Variants in DPP10 observed in about 807,000 individuals in gnomAD.
DPP10 encodes the protein inactive dipeptidyl peptidase 10.
A neutral mutation model predicts 120.9 loss-of-function variants in DPP10; 33 were observed. The observed-to-expected ratio is 0.27, with a 90% CI of 0.21 to 0.37. The LOEUF is 0.37. Among genes scored for constraint, DPP10 ranks in the 10% least tolerant of loss-of-function variants. The probability of loss-of-function intolerance (pLI) is 1.00; values close to 1 mark genes in which losing one functional copy is unlikely to be tolerated. For synonymous variants in DPP10, 337 were observed against 326.1 expected, an observed-to-expected ratio of 1.03 and a Z score of -0.36; for missense variants, 816 against 942.8, an observed-to-expected ratio of 0.87 and a Z score of 1.76.
At chr2:114,732,685 T>C (rs1163958774) in intron 1 of DPP10, among the ~76,000 whole-genome samples, 1 of 152,178 alleles carries the variant, frequency 6.6e-6, no homozygotes, top group Non-Finnish European at 1.5e-5. Flanking sequence ...AAAAGGGTAA[T>C]GTTTGAGGGA....
At chr2:115,510,128 G>A in intron 4 of DPP10, among the ~76,000 whole-genome samples, 1 of 152,136 alleles carries the variant, frequency 6.6e-6, no homozygotes, top group Non-Finnish European at 1.5e-5. Context: ...AGTTTCAAAT[G>A]TTTTCTCCCA....
At chr2:114,521,332 A>G (rs1320451178) in intron 1 of DPP10, among the ~76,000 whole-genome samples, 1 of 151,888 alleles carries the variant, frequency 6.6e-6, no homozygotes, top group African/African-American at 2.4e-5. Flanking sequence ...TAAGAAATAA[A>G]TGTAAAAATA....
At chr2:114,515,719 C>T (rs970640506) in intron 1 of DPP10, among the ~76,000 whole-genome samples, 5 of 151,960 alleles carry the variant, frequency 3.3e-5, no homozygotes, top group African/African-American at 2.4e-5. Flanking sequence ...CTTCTTCTTC[C>T]TCTCCCTTTT....
At chr2:115,469,506 A>AC (rs2074545938) in intron 3 of DPP10, among the ~76,000 whole-genome samples, 2 of 152,196 alleles carry the variant, frequency 1.3e-5, no homozygotes, top group African/African-American at 4.8e-5. Context: ...TTTTGACTTT[A>AC]ACTTTATATC....
chr2:115,100,706 C>A (rs1334899075), intron 1 of DPP10, among the ~76,000 whole-genome samples: 3 of 152,102 alleles, frequency 2.0e-5, no homozygotes, highest in African/African-American at 7.2e-5. Flanking sequence ...TGGATGATCA[C>A]TGCCTCTTTT....
intron 1 of DPP10, among the ~76,000 whole-genome samples, chr2:114,881,590 GTCTGTCTGTCTATCTA>G (rs1286159069): frequency 7.7e-6 from 1 of 129,624 alleles, no homozygotes; most frequent in African/African-American, 2.7e-5. Context: ...CTGTCTGTCT[GTCTGTCTGTCTATCTA>G]TCTATCTATC....
chr2:114,538,405 A>G (rs915105278), intron 1 of DPP10, among the ~76,000 whole-genome samples: 3 of 152,212 alleles, frequency 2.0e-5, no homozygotes, highest in African/African-American at 7.2e-5. Flanking sequence ...AGAGAAGGGA[A>G]TTGAGACTCA....
At chr2:115,562,006 C>G (rs2080715996) in intron 5 of DPP10, among the ~76,000 whole-genome samples, 1 of 152,170 alleles carries the variant, frequency 6.6e-6, no homozygotes, top group Non-Finnish European at 1.5e-5. Flanking sequence ...AAAACACAAC[C>G]CTGGTAGCCT....
rs143016884 is a variant in DPP10 at position 114,613,627 on chromosome 2, G to T, written c.60+170789G>T. Among the ~76,000 whole-genome samples, 821 of 152,142 alleles carry T rather than the reference G, an allele frequency of 5.4e-3. 9 individuals are homozygous for T. Among genetic ancestry groups the T allele is most frequent in the African/African-American group, 0.019 (784 of 41,518 alleles). On this transcript the variant is annotated intron_variant, in intron 1 of 25. Transcript: ENST00000410059. Reference sequence around the variant, plus strand: ...CCCTTTACTGGGTATATACCCAAAGGATTATAAATCATTCTACGATAAAGA... The same window carrying T: ...CCCTTTACTGGGTATATACCCAAAGTATTATAAATCATTCTACGATAAAGA...
Position 114,701,812 on chromosome 2 carries a change from G to A in DPP10, c.60+258974G>A, listed in dbSNP as rs376430184. Among the ~76,000 whole-genome samples the A allele has an allele frequency of 5.9e-5, 9 of 152,194 alleles. No individual in the cohort carries two copies. The East Asian group carries it at 1.7e-3, about 30-fold the overall frequency. ...GGGGACTTATAACACTGTCAAGATG[G>A]TAAAATCTGGTATTATAAAACAGGA... On this transcript the variant is annotated intron_variant, in intron 1 of 25. Transcript: ENST00000410059.
intron 1 of DPP10, among the ~76,000 whole-genome samples, chr2:115,270,327 C>T (rs1481057834): frequency 1.3e-5 from 2 of 151,880 alleles, no homozygotes; most frequent in Non-Finnish European, 2.9e-5. Context: ...CGAGAGAAGA[C>T]GGCTACTATA....
intron 1 of DPP10, among the ~76,000 whole-genome samples, chr2:114,527,448 C>T (rs1208493632): frequency 5.3e-5 from 8 of 152,024 alleles, no homozygotes; most frequent in Admixed American, 3.3e-4. Context: ...GCCTGGTTTT[C>T]TTAGGCATGA....
intron 5 of DPP10, among the ~76,000 whole-genome samples, chr2:115,587,199 G>A (rs1247272528): frequency 7.0e-6 from 1 of 142,810 alleles, no homozygotes; most frequent in African/African-American, 2.6e-5. Flanking sequence ...CCGGGTTCAC[G>A]CCATTCTCCT....
chr2:114,820,717 G>A (rs1429204760), intron 1 of DPP10, among the ~76,000 whole-genome samples: 1 of 152,172 alleles, frequency 6.6e-6, no homozygotes, highest in Non-Finnish European at 1.5e-5. Context: ...ACTATCACAA[G>A]AACAGCATGG....
chr2:114,705,501 CT>C (rs1201861258), intron 1 of DPP10, among the ~76,000 whole-genome samples: 3 of 151,946 alleles, frequency 2.0e-5, no homozygotes, highest in African/African-American at 7.3e-5. Flanking sequence ...GAATTTATAA[CT>C]CACATCTGTC....
intron 5 of DPP10, among the ~76,000 whole-genome samples, chr2:115,550,175 G>C (rs2079789044): frequency 1.3e-5 from 2 of 152,108 alleles, no homozygotes; most frequent in Admixed American, 6.6e-5. Flanking sequence ...GGTCAGTAAT[G>C]GCTCTTATAA....
chr2:114,520,234 A>T (rs1420289020), intron 1 of DPP10, among the ~76,000 whole-genome samples: 1 of 152,226 alleles, frequency 6.6e-6, no homozygotes, highest in East Asian at 1.9e-4. Flanking sequence ...GGATTTATGG[A>T]GTAATGGTAA....
rs144073070 is a variant in DPP10 at position 115,596,591 on chromosome 2, A to T, written c.441+70619A>T. ...GATTACCTGTTTTCTTCTCTAAGCAATTATTAGCTAGGCAACCCCAAATGT... is the reference window on the plus strand; with the variant it reads ...GATTACCTGTTTTCTTCTCTAAGCATTTATTAGCTAGGCAACCCCAAATGT... On this transcript the variant is annotated intron_variant, in intron 5 of 25. Transcript: ENST00000410059. Among the ~76,000 whole-genome samples, 305 of 152,280 alleles carry T rather than the reference A, an allele frequency of 2.0e-3. 1 individual carries two copies. The highest frequency in any genetic ancestry group is 7.1e-3 in the African/African-American group (296 of 41,572).
At chr2:115,623,038 G>T (rs1447023010) in intron 5 of DPP10, among the ~76,000 whole-genome samples, 8 of 151,836 alleles carry the variant, frequency 5.3e-5, no homozygotes, top group African/African-American at 1.9e-4. Flanking sequence ...GTAGAGACGG[G>T]CTTTCACCGT....
Sources: allele counts gnomAD v4.1 joint callset (sites outside exome capture counted in the v4.1 genomes callset), GRCh38; gene constraint gnomAD v4.1.1; transcripts MANE v1.5; gene names NCBI Gene and HGNC (gene_info 2026-07-23, HGNC 2026-07-21).